SSBP2: variants seen among roughly 807,000 people sequenced by gnomAD.
SSBP2 encodes the protein single stranded DNA binding protein 2.
SSBP2 carries 17 observed loss-of-function variants against 61.8 expected under a neutral mutation model. The observed-to-expected ratio is 0.28, with a 90% CI of 0.19 to 0.41. SSBP2 has a LOEUF of 0.41. Among genes scored for constraint, SSBP2 ranks in the 10% least tolerant of loss-of-function variants. The pLI, the probability that SSBP2 is intolerant of heterozygous loss-of-function variation, is 1.00. For synonymous variants in SSBP2, 139 were observed against 141.3 expected (o/e 0.98, Z 0.12); for missense variants, 310 against 458.7 (o/e 0.68, Z 2.96).
chr5:81,458,739 C>T (rs1764336902), intron 10 of SSBP2, among the ~76,000 whole-genome samples: 1 of 152,176 alleles, frequency 6.6e-6, no homozygotes, highest in African/African-American at 2.4e-5. Flanking sequence ...TAAGTTGTCA[C>T]CACAAAATGA....
intron 5 of SSBP2, among the ~76,000 whole-genome samples, chr5:81,490,720 T>C (rs1342096522): frequency 1.3e-5 from 2 of 152,194 alleles, no homozygotes; most frequent in Admixed American, 6.5e-5. Context: ...AGATTTTTCC[T>C]GTAGTATCTT....
rs576003769 is a variant in SSBP2 at position 81,576,188 on chromosome 5, CT to C, written c.282+39284del. Among the ~76,000 whole-genome samples, 957 of 141,296 alleles carry C rather than the reference CT, an allele frequency of 6.8e-3. 6 individuals are homozygous for C. The highest frequency in any genetic ancestry group is 0.016 in the African/African-American group (608 of 39,012). The allele number at this position is 141,296 out of a possible 152,430, so 92.7% of individuals were successfully genotyped here. On this transcript the variant is annotated intron_variant, in intron 4 of 16. Transcript: ENST00000320672. ...ATCTCCTTCTTCCTCTATCAGGCTT[CT>C]TTTTTTTTTTTTGTCATTTCTTGTT...
intron 2 of SSBP2, among the ~76,000 whole-genome samples, chr5:81,647,350 T>C (rs1300633529): frequency 2.0e-5 from 3 of 152,142 alleles, no homozygotes; most frequent in Non-Finnish European, 4.4e-5. Context: ...ATAGTATTAC[T>C]TTATGTACTA....
chr5:81,542,070 C>T (rs1771316656), intron 4 of SSBP2, among the ~76,000 whole-genome samples: 1 of 151,818 alleles, frequency 6.6e-6, no homozygotes, highest in Non-Finnish European at 1.5e-5. Context: ...AATGAACAAG[C>T]AAAAAACATA....
chr5:81,678,689 C>T (rs1179351044), intron 1 of SSBP2, among the ~76,000 whole-genome samples: 1 of 151,948 alleles, frequency 6.6e-6, no homozygotes, highest in Non-Finnish European at 1.5e-5. Flanking sequence ...GAATAAAACA[C>T]TTTATCTACA....
intron 4 of SSBP2, among the ~76,000 whole-genome samples, chr5:81,550,745 A>G (rs548090575): frequency 7.2e-5 from 11 of 152,328 alleles, no homozygotes; most frequent in African/African-American, 2.4e-4. Flanking sequence ...AGAACTTACC[A>G]AACTAATTCT....
At chr5:81,599,487 A>C (rs532322140) in intron 4 of SSBP2, among the ~76,000 whole-genome samples, 1 of 152,344 alleles carries the variant, frequency 6.6e-6, no homozygotes, top group African/African-American at 2.4e-5. Context: ...TTTGCTTGGA[A>C]ACAACAGACA....
chr5:81,465,591 G>T (rs994520620), intron 9 of SSBP2, among the ~76,000 whole-genome samples: 6 of 151,930 alleles, frequency 3.9e-5, no homozygotes, highest in African/African-American at 1.4e-4. Flanking sequence ...TCATTCTGGG[G>T]TGATCATAGT....
At chr5:81,750,519 C>T (rs1757681487) in intron 1 of SSBP2, among the ~76,000 whole-genome samples, 1 of 147,072 alleles carries the variant, frequency 6.8e-6, no homozygotes, top group Non-Finnish European at 1.5e-5. Context: ...CCGCGCTGCC[C>T]GCCCCGACCC....
At chr5:81,508,462 G>A (rs549445539) in intron 5 of SSBP2, among the ~76,000 whole-genome samples, 14 of 152,182 alleles carry the variant, frequency 9.2e-5, no homozygotes, top group African/African-American at 3.1e-4. Flanking sequence ...TAGTCTTACT[G>A]ATTTTACTTA....
chr5:81,697,819 A>C (rs894523861), intron 1 of SSBP2, among the ~76,000 whole-genome samples: 1 of 152,178 alleles, frequency 6.6e-6, no homozygotes, highest in Non-Finnish European at 1.5e-5. Context: ...TAAGCCCCTA[A>C]ATCCAGTAAT....
chr5:81,695,164 T>C (rs1466686980), intron 1 of SSBP2, among the ~76,000 whole-genome samples: 1 of 152,172 alleles, frequency 6.6e-6, no homozygotes, highest in African/African-American at 2.4e-5. Context: ...ATAAACCAAC[T>C]ATAAGAAAGA....
At chr5:81,734,347 A>G (rs145152130) in intron 1 of SSBP2, among the ~76,000 whole-genome samples, 3 of 152,286 alleles carry the variant, frequency 2.0e-5, no homozygotes, top group South Asian at 4.1e-4. Context: ...TGGCAAAACT[A>G]TTTTTCACTT....
At chr5:81,714,880 C>T (rs563888963) in intron 1 of SSBP2, among the ~76,000 whole-genome samples, 107 of 152,124 alleles carry the variant, frequency 7.0e-4, no homozygotes, top group African/African-American at 2.5e-3. Flanking sequence ...CCAAAATTGA[C>T]AAATGGGATC....
intron 16 of SSBP2, among the ~76,000 whole-genome samples, chr5:81,425,786 T>A (rs547316800): frequency 3.5e-4 from 53 of 152,144 alleles, no homozygotes; most frequent in Non-Finnish European, 6.2e-4. Flanking sequence ...TCAAGCATGT[T>A]GGCACCGCAA....
At chr5:81,729,624 AT>A (rs1756122016) in intron 1 of SSBP2, among the ~76,000 whole-genome samples, 1 of 152,206 alleles carries the variant, frequency 6.6e-6, no homozygotes, top group Non-Finnish European at 1.5e-5. Context: ...CTCTCATAGT[AT>A]TTAACACTAT....
intron 1 of SSBP2, among the ~76,000 whole-genome samples, chr5:81,688,502 A>G (rs1235167379): frequency 2.0e-5 from 3 of 152,234 alleles, no homozygotes; most frequent in Non-Finnish European, 2.9e-5. Flanking sequence ...TGTCTGACCC[A>G]GTGGTTATAG....
At chr5:81,638,680 T>C (rs945537171) in intron 2 of SSBP2, among the ~76,000 whole-genome samples, 4 of 152,132 alleles carry the variant, frequency 2.6e-5, no homozygotes, top group African/African-American at 7.2e-5. Flanking sequence ...ATATTCTATA[T>C]AAAAATATTC....
intron 5 of SSBP2, among the ~76,000 whole-genome samples, chr5:81,498,341 G>A (rs1402180122): frequency 2.0e-5 from 3 of 151,996 alleles, no homozygotes; most frequent in East Asian, 3.8e-4. Context: ...TATTAACTAC[G>A]TATATACCAA....
Sources: gnomAD v4.1 joint callset for allele counts (sites outside exome capture counted in the v4.1 genomes callset) on GRCh38, gnomAD v4.1.1 for gene constraint, MANE v1.5 for transcripts, NCBI Gene and HGNC (gene_info 2026-07-23, HGNC 2026-07-21) for gene names.